The following CXCL13 variants were observed in gnomAD, a reference collection of about 807,000 sequenced individuals.
The protein encoded by CXCL13 is C-X-C motif chemokine ligand 13, also known as C-X-C motif chemokine 13.
A neutral mutation model predicts 12.2 loss-of-function variants in CXCL13; 7 were observed. That is an observed-to-expected ratio of 0.57 (90% confidence interval 0.33 to 1.07). The LOEUF is 1.07. Ranked by LOEUF, CXCL13 falls within the 50% of genes least tolerant of loss-of-function variation. The pLI, the probability that CXCL13 is intolerant of heterozygous loss-of-function variation, is 0.04. For synonymous variants in CXCL13, 47 were observed against 42.4 expected (o/e 1.11, Z -0.42); for missense variants, 113 against 127.4 (o/e 0.89, Z 0.55).
chr4:77,551,395 A>T (rs1194442617), intron 1 of CXCL13, among the ~76,000 whole-genome samples: 1 of 152,206 alleles, frequency 6.6e-6, no homozygotes, highest in Non-Finnish European at 1.5e-5. Flanking sequence ...GTTTGGTGGG[A>T]TAAGAAATTG....
At chr4:77,583,426 C>T (rs1307647574) in intron 1 of CXCL13, among the ~76,000 whole-genome samples, 16 of 152,222 alleles carry the variant, frequency 1.1e-4, no homozygotes, top group Non-Finnish European at 4.4e-5. Context: ...AGCATGACCA[C>T]TGTGTAAGCC....
intron 1 of CXCL13, among the ~76,000 whole-genome samples, chr4:77,596,785 C>CAAAAAAAAAAAAAA (rs1024280441): frequency 3.1e-5 from 2 of 64,722 alleles, no homozygotes; most frequent in African/African-American, 5.0e-5. Flanking sequence ...GACTCTGTCT[C>CAAAAAAAAAAAAAA]AAAAAAAAAA....
At chr4:77,519,911 C>A (rs1724533567) in intron 1 of CXCL13, among the ~76,000 whole-genome samples, 1 of 152,128 alleles carries the variant, frequency 6.6e-6, no homozygotes, top group African/African-American at 2.4e-5. Context: ...AGGAAGGGAT[C>A]CAGTTTCAGC....
At chr4:77,533,339 C>T (rs1724978728) in intron 1 of CXCL13, among the ~76,000 whole-genome samples, 1 of 152,184 alleles carries the variant, frequency 6.6e-6, no homozygotes, top group African/African-American at 2.4e-5. Context: ...GCAGAGGCTG[C>T]ACAACAGCAG....
chr4:77,558,152 G>T (rs1725709257), intron 1 of CXCL13, among the ~76,000 whole-genome samples: 1 of 152,196 alleles, frequency 6.6e-6, no homozygotes, highest in South Asian at 2.1e-4. Flanking sequence ...TATAAAAAAT[G>T]GCTAGGTCCT....
At chr4:77,592,608 T>C (rs1726640874) in intron 1 of CXCL13, among the ~76,000 whole-genome samples, 1 of 149,524 alleles carries the variant, frequency 6.7e-6, no homozygotes. Flanking sequence ...CAATATATAA[T>C]GAAATTAATT....
chr4:77,607,860 A>C, intron 2 of CXCL13, 25 bp downstream of exon 2: 3 of 1,608,978 alleles, frequency 1.9e-6, no homozygotes, highest in Non-Finnish European at 2.6e-6. Flanking sequence ...AAAAATAAAT[A>C]AGATTTCCTT....
At chr4:77,519,121 G>C (rs189194624) in intron 1 of CXCL13, among the ~76,000 whole-genome samples, 4 of 152,174 alleles carry the variant, frequency 2.6e-5, no homozygotes, top group Non-Finnish European at 4.4e-5. Flanking sequence ...TTTGTGAACC[G>C]TGAATGCTGC....
intron 1 of CXCL13, among the ~76,000 whole-genome samples, chr4:77,563,154 C>T (rs1725851919): frequency 6.6e-6 from 1 of 152,118 alleles, no homozygotes; most frequent in South Asian, 2.1e-4. Context: ...CACGTCAGAA[C>T]ATCAGAAGGA....
At chr4:77,583,215 T>G (rs1176909781) in intron 1 of CXCL13, among the ~76,000 whole-genome samples, 2 of 152,202 alleles carry the variant, frequency 1.3e-5, no homozygotes, top group East Asian at 3.9e-4. Context: ...TAGGGCTTAT[T>G]TTTTGTCCAT....
At chr4:77,580,805 C>T (rs1181422959) in intron 1 of CXCL13, among the ~76,000 whole-genome samples, 1 of 133,348 alleles carries the variant, frequency 7.5e-6, no homozygotes, top group Non-Finnish European at 1.6e-5. Context: ...CTTCTCCTTC[C>T]CTCCCCTCTC....
chr4:77,562,501 A>G (rs915482256), intron 1 of CXCL13, among the ~76,000 whole-genome samples: 40 of 152,142 alleles, frequency 2.6e-4, no homozygotes, highest in Admixed American at 5.2e-4. Flanking sequence ...TTGTGAATGC[A>G]CCAATCAGCA....
intron 1 of CXCL13, among the ~76,000 whole-genome samples, chr4:77,587,327 G>T (rs1036746779): frequency 6.6e-6 from 1 of 152,164 alleles, no homozygotes; most frequent in Admixed American, 6.5e-5. Context: ...GAGCCAGGGG[G>T]ATATGACGAA....
chr4:77,525,485 G>A (rs1239518033), intron 1 of CXCL13, among the ~76,000 whole-genome samples: 3 of 152,114 alleles, frequency 2.0e-5, no homozygotes, highest in African/African-American at 4.8e-5. Flanking sequence ...AGCATGTTAG[G>A]TATACTTGTG....
chr4:77,553,672 A>G (rs529111723), intron 1 of CXCL13, among the ~76,000 whole-genome samples: 2 of 152,204 alleles, frequency 1.3e-5, no homozygotes, highest in Admixed American at 6.5e-5. Flanking sequence ...CCTCCCTGGG[A>G]TCTGGGGTTT....
At chr4:77,538,807 G>A (rs1725130082) in intron 1 of CXCL13, among the ~76,000 whole-genome samples, 1 of 152,150 alleles carries the variant, frequency 6.6e-6, no homozygotes, top group Non-Finnish European at 1.5e-5. Flanking sequence ...CAGTGGTGTT[G>A]GTGGTGGAAG....
intron 1 of CXCL13, among the ~76,000 whole-genome samples, chr4:77,596,734 G>A (rs1237274457): frequency 6.8e-6 from 1 of 147,926 alleles, no homozygotes; most frequent in East Asian, 2.0e-4. Context: ...GCAGTGAGCT[G>A]AGACCGCGCC....
At chr4:77,566,745 C>T (rs1051413431) in intron 1 of CXCL13, among the ~76,000 whole-genome samples, 1 of 152,118 alleles carries the variant, frequency 6.6e-6, no homozygotes, top group South Asian at 2.1e-4. Context: ...CCTAAATTAC[C>T]CTCTTTATAG....
intron 1 of CXCL13, among the ~76,000 whole-genome samples, chr4:77,515,904 T>C (rs1440095714): frequency 6.6e-6 from 1 of 152,214 alleles, no homozygotes; most frequent in Non-Finnish European, 1.5e-5. Flanking sequence ...AAGGGAATGC[T>C]TCCAGTTTTT....
Sources: allele counts gnomAD v4.1 joint callset (sites outside exome capture counted in the v4.1 genomes callset), GRCh38; gene constraint gnomAD v4.1.1; transcripts MANE v1.5; gene names NCBI Gene and HGNC (gene_info 2026-07-23, HGNC 2026-07-21).